Variants in GPC4 observed in about 807,000 individuals in gnomAD.
The protein encoded by GPC4 is glypican-4.
GPC4 carries 10 observed loss-of-function variants against 35.0 expected under a neutral mutation model. That is an observed-to-expected ratio of 0.29 (90% CI 0.18 to 0.48). The LOEUF is 0.48. Ranked by LOEUF, GPC4 falls within the 20% of genes least tolerant of loss-of-function variation. The pLI is 0.99. For synonymous variants in GPC4, 167 were observed against 170.2 expected, an observed-to-expected ratio of 0.98 and a Z score of 0.15; for missense variants, 322 against 451.3, an observed-to-expected ratio of 0.71 and a Z score of 2.60.
intron 2 of GPC4, among the ~76,000 whole-genome samples, chrX:133,325,464 T>C (rs1006390884): frequency 2.7e-5 from 3 of 111,820 alleles, no homozygotes; most frequent in Non-Finnish European, 5.6e-5. Context: ...TTTTAATCTC[T>C]TAACTACAAA....
chrX:133,403,427 T>C (rs1262792675), intron 1 of GPC4, among the ~76,000 whole-genome samples: 1 of 111,236 alleles, frequency 9.0e-6, no homozygotes, highest in Non-Finnish European at 1.9e-5. Context: ...GGGGCCTCTT[T>C]TATAAGGGCA....
In GPC4 at chrX:133,302,387, T is replaced by C. The variant is rs1286568442; in HGVS notation, c.*480A>G. Reference sequence around the variant, plus strand: ...CAGGGAGAAATGGAAATTTTACTGCTTTTTGGGCTTTTTCTTTTAATAAGA... The same window carrying C: ...CAGGGAGAAATGGAAATTTTACTGCCTTTTGGGCTTTTTCTTTTAATAAGA... On this transcript the variant is annotated 3_prime_UTR_variant, in exon 9 of 9. Coordinates refer to ENST00000370828, the MANE Select transcript of GPC4 (RefSeq NM_001448.3). 1 of 112,603 alleles carries C rather than the reference T, an allele frequency of 8.9e-6. No homozygotes were observed. Among genetic ancestry groups the C allele is most frequent in the African/African-American group, 3.3e-5 (1 of 30,768 alleles). 9.3% of individuals were successfully genotyped at this position (112,603 alleles called of 1,213,427 possible).
At chrX:133,335,789 G>A (rs1023921376) in intron 2 of GPC4, among the ~76,000 whole-genome samples, 1 of 111,854 alleles carries the variant, frequency 8.9e-6, no homozygotes, top group Non-Finnish European at 1.9e-5. Flanking sequence ...TACTTTAAAA[G>A]TAATTATTTC....
chrX:133,396,234 T>G (rs2068742317), intron 1 of GPC4, among the ~76,000 whole-genome samples: 3 of 111,759 alleles, frequency 2.7e-5, no homozygotes, highest in South Asian at 7.6e-4. Flanking sequence ...TATACAACAT[T>G]AGAAAAATTC....
At chrX:133,371,041 G>GT (rs773447241) in intron 1 of GPC4, among the ~76,000 whole-genome samples, 6 of 111,906 alleles carry the variant, frequency 5.4e-5, no homozygotes, top group Non-Finnish European at 1.1e-4. Context: ...TAATATGCGC[G>GT]TCTCTGTGGG....
intron 2 of GPC4, among the ~76,000 whole-genome samples, chrX:133,332,126 A>G (rs2068423051): frequency 8.9e-6 from 1 of 112,006 alleles, no homozygotes. Context: ...AAACTTCACC[A>G]AAGCAGTTTC....
chrX:133,411,077 C>T (rs2068810815), intron 1 of GPC4, among the ~76,000 whole-genome samples: 1 of 112,545 alleles, frequency 8.9e-6, no homozygotes, highest in South Asian at 3.7e-4. Context: ...ATTGCTACCT[C>T]TCCAACACAC....
intron 4 of GPC4, 34 bp downstream of exon 4, chrX:133,311,224 T>TCCA: frequency 8.4e-7 from 1 of 1,186,724 alleles, no homozygotes; most frequent in Non-Finnish European, 1.1e-6. Flanking sequence ...CTAAGCTATC[T>TCCA]CCAGCAACAC....
intron 1 of GPC4, among the ~76,000 whole-genome samples, chrX:133,383,959 C>T (rs988918342): frequency 1.8e-5 from 2 of 111,623 alleles, no homozygotes; most frequent in African/African-American, 6.5e-5. Context: ...ATGGTAATCA[C>T]GGGGGAGGCT....
chrX:133,350,933 T>G (rs931126359), intron 1 of GPC4, among the ~76,000 whole-genome samples: 1 of 112,189 alleles, frequency 8.9e-6, no homozygotes, highest in Admixed American at 9.4e-5. Flanking sequence ...TCCCCAACCC[T>G]GGCAACTGGC....
intron 1 of GPC4, among the ~76,000 whole-genome samples, chrX:133,376,507 G>A (rs983690231): frequency 1.8e-5 from 2 of 112,539 alleles, no homozygotes; most frequent in African/African-American, 6.5e-5. Flanking sequence ...AAATATCCTT[G>A]CAGATATAAG....
At position 133,302,675 on chromosome X, in the gene GPC4, C is replaced by G. The variant is rs1461742315; in HGVS notation, c.*192G>C. 1 of 442,185 alleles carries G rather than the reference C, an allele frequency of 2.3e-6. No individual in the cohort carries two copies. Among genetic ancestry groups the G allele is most frequent in the Non-Finnish European group, 3.9e-6 (1 of 257,393 alleles). The allele number at this position is 442,185 out of a possible 1,213,427, so 36.4% of individuals were successfully genotyped here. A position where few individuals can be genotyped will look rare whatever the true frequency, so the allele number is the denominator to read the frequency against. On this transcript the variant is annotated 3_prime_UTR_variant, in exon 9 of 9. Transcript: ENST00000370828. ...TGGTTTGGGGGAGCAGGAACCAACT[C>G]AATGCACAGTCCCTTTTCCTCCCAA...
At chrX:133,343,628 G>A (rs1466490880) in intron 1 of GPC4, among the ~76,000 whole-genome samples, 3 of 111,031 alleles carry the variant, frequency 2.7e-5, no homozygotes, top group African/African-American at 9.8e-5. Flanking sequence ...TAGAAAAAAG[G>A]TCCCCCAGCC....
rs756131919 is a variant in GPC4 at position 133,339,346 on chromosome X, A to C, written c.161-5T>G. ...GACAGATCTTCAAATGATCACCTGC[A>C]AGATAAAAAGTAAGACAGTCAATGT... On this transcript the variant is annotated splice_region_variant and splice_polypyrimidine_tract_variant and intron_variant, in intron 1 of 8. Transcript: ENST00000370828. 1 of 1,205,516 alleles carries C rather than the reference A, an allele frequency of 8.3e-7. No individual in the cohort carries two copies. Among genetic ancestry groups the C allele is most frequent in the South Asian group, 1.8e-5 (1 of 56,350 alleles).
intron 3 of GPC4, among the ~76,000 whole-genome samples, chrX:133,312,572 C>T (rs1189840661): frequency 1.9e-5 from 2 of 106,858 alleles, no homozygotes; most frequent in African/African-American, 3.4e-5. Context: ...GAGGTTGCAG[C>T]GAGCCGAGAT....
intron 3 of GPC4, among the ~76,000 whole-genome samples, chrX:133,315,003 T>G (rs2068330872): frequency 9.0e-6 from 1 of 110,868 alleles, no homozygotes; most frequent in African/African-American, 3.3e-5. Flanking sequence ...TTTTGGAGTC[T>G]TTAAGAGCCA....
intron 3 of GPC4, among the ~76,000 whole-genome samples, chrX:133,312,657 GAAGGAAAGGA>G (rs368140128): frequency 9.8e-6 from 1 of 101,805 alleles, no homozygotes; most frequent in African/African-American, 3.8e-5. Flanking sequence ...AAGAAAGGAA[GAAGGAAAGGA>G]AAGGAAAGGA....
intron 1 of GPC4, among the ~76,000 whole-genome samples, chrX:133,351,934 T>C (rs1233470729): frequency 8.9e-6 from 1 of 112,306 alleles, no homozygotes; most frequent in Non-Finnish European, 1.9e-5. Flanking sequence ...GTGACTCTTA[T>C]GTGCCAGATG....
At chrX:133,318,259 C>T (rs1247974435) in intron 3 of GPC4, among the ~76,000 whole-genome samples, 1 of 111,898 alleles carries the variant, frequency 8.9e-6, no homozygotes, top group African/African-American at 3.2e-5. Context: ...TTCTTAAAAG[C>T]TTTTTGTATT....
Sources: gnomAD v4.1 joint callset for allele counts (sites outside exome capture counted in the v4.1 genomes callset) on GRCh38, gnomAD v4.1.1 for gene constraint, MANE v1.5 for transcripts, NCBI Gene and HGNC (gene_info 2026-07-23, HGNC 2026-07-21) for gene names.